Variants in EGFLAM observed in about 807,000 individuals in gnomAD.
The protein encoded by EGFLAM is EGF like, fibronectin type III and laminin G domains.
EGFLAM carries 79 observed loss-of-function variants against 113.1 expected under a neutral mutation model. That is an observed-to-expected ratio of 0.70 (90% confidence interval 0.58 to 0.84). EGFLAM has a LOEUF of 0.84. Ranked by LOEUF, EGFLAM falls within the 40% of genes least tolerant of loss-of-function variation. EGFLAM has a pLI of 0.00. For missense variants in EGFLAM, 1,265 were observed against 1,291.6 expected (o/e 0.98, Z 0.32); for synonymous variants, 504 against 487.6 (o/e 1.03, Z -0.44).
At chr5:38,295,177 C>A (rs2111806804) in intron 1 of EGFLAM, among the ~76,000 whole-genome samples, 1 of 151,040 alleles carries the variant, frequency 6.6e-6, no homozygotes. Context: ...TAATAACATG[C>A]TTGTAATGAA....
chr5:38,334,241 T>C (rs1202867480), intron 1 of EGFLAM, among the ~76,000 whole-genome samples: 1 of 152,174 alleles, frequency 6.6e-6, no homozygotes, highest in East Asian at 1.9e-4. Context: ...TTTTAAGAGT[T>C]CTTTGTTATC....
rs1246058059 is a variant in EGFLAM, at chr5:38,258,572, G to T, written c.-183G>T. 1.5e-5 allele frequency: 9 copies of T among 614,840 alleles called. No individual in the cohort carries two copies. The highest frequency in any genetic ancestry group is 2.0e-5 in the African/African-American group (1 of 50,586). The allele number at this position is 614,840 out of a possible 1,614,324, so 38.1% of individuals were successfully genotyped here. A position where few individuals can be genotyped will look rare whatever the true frequency, so the allele number is the denominator to read the frequency against. On this transcript the variant is annotated 5_prime_UTR_variant, in exon 1 of 22. Coordinates refer to ENST00000322350, the MANE Select transcript of EGFLAM (RefSeq NM_152403.4). ...GCAGCCGGCTTCACTCGCGCACGCC[G>T]ACCTCCCGGCTGCAGTCCTACCTCT...
intron 1 of EGFLAM, among the ~76,000 whole-genome samples, chr5:38,300,287 G>A (rs1758544046): frequency 6.6e-6 from 1 of 152,156 alleles, no homozygotes; most frequent in African/African-American, 2.4e-5. Flanking sequence ...TTTACACTGA[G>A]TCAAATGAGG....
At chr5:38,452,031 C>A (rs1226922739) in intron 19 of EGFLAM, among the ~76,000 whole-genome samples, 1 of 137,618 alleles carries the variant, frequency 7.3e-6, no homozygotes. Flanking sequence ...AGTATTCCAA[C>A]AGGACTTTTT....
chr5:38,328,867 T>C (rs1455598770), intron 1 of EGFLAM, among the ~76,000 whole-genome samples: 1 of 151,944 alleles, frequency 6.6e-6, no homozygotes, highest in Non-Finnish European at 1.5e-5. Flanking sequence ...CCTCCATCTG[T>C]TGTTTGAATT....
intron 3 of EGFLAM, among the ~76,000 whole-genome samples, 193 bp downstream of exon 3, chr5:38,338,974 T>A (rs1739264616): frequency 6.6e-6 from 1 of 152,224 alleles, no homozygotes; most frequent in African/African-American, 2.4e-5. Flanking sequence ...AAAACAGGCA[T>A]CTGACGAAAG....
intron 17 of EGFLAM, chr5:38,445,639 G>T: frequency 6.3e-7 from 1 of 1,598,482 alleles, no homozygotes; most frequent in African/African-American, 1.3e-5. Context: ...ACTGTGAAAG[G>T]CTGACTCTCC....
chr5:38,265,965 G>A (rs1345769223), intron 1 of EGFLAM, among the ~76,000 whole-genome samples: 1 of 152,186 alleles, frequency 6.6e-6, no homozygotes, highest in African/African-American at 2.4e-5. Context: ...GTGTTATGCT[G>A]ATCTTCACTG....
At chr5:38,388,430 G>A (rs1465919935) in intron 6 of EGFLAM, among the ~76,000 whole-genome samples, 1 of 152,016 alleles carries the variant, frequency 6.6e-6, no homozygotes, top group Non-Finnish European at 1.5e-5. Context: ...GACCAGCCTG[G>A]GCAATGTGGT....
rs6875081 is a variant in EGFLAM at position 38,445,451 on chromosome 5, G to A, written c.2465-2850G>A. The stretch of plus-strand genomic sequence containing the variant: ...GCCCACCTTCAATAAGCCGAGAAGA[G>A]GTGAGGAGGCGGGTGGCTGGGTGCC... On this transcript the variant is annotated intron_variant, in intron 17 of 21. Transcript: ENST00000322350. 8,799 of 1,403,932 alleles carry A rather than the reference G, an allele frequency of 6.3e-3. 405 individuals are homozygous for A. In the African/African-American group the frequency reaches 0.11, roughly 17 times the overall value. The allele number at this position is 1,403,932 out of a possible 1,614,324, so 87.0% of individuals were successfully genotyped here. A position where few individuals can be genotyped will look rare whatever the true frequency, so the allele number is the denominator to read the frequency against.
At chr5:38,451,199 G>C (rs1473528190) in intron 18 of EGFLAM, 116 bp from the exon 19 acceptor site, 11 of 1,406,544 alleles carry the variant, frequency 7.8e-6, no homozygotes, top group South Asian at 6.6e-5. Context: ...GTAAGTGTCA[G>C]AAAGTGCCAG....
intron 1 of EGFLAM, among the ~76,000 whole-genome samples, chr5:38,303,676 T>C (rs1758651961): frequency 6.6e-6 from 1 of 152,224 alleles, no homozygotes; most frequent in African/African-American, 2.4e-5. Context: ...TCTGCTCAAA[T>C]GTTGAAGGCA....
chr5:38,453,955 C>T (rs906987928), intron 19 of EGFLAM, among the ~76,000 whole-genome samples: 2 of 152,210 alleles, frequency 1.3e-5, no homozygotes, highest in African/African-American at 4.8e-5. Flanking sequence ...CCTGAACATA[C>T]TTCTTGTTAC....
At chr5:38,431,089 C>A (rs963151987) in intron 14 of EGFLAM, 88 bp from the exon 15 acceptor site, 1 of 1,162,774 alleles carries the variant, frequency 8.6e-7, no homozygotes, top group Non-Finnish European at 1.2e-6. Context: ...ACAGACACAC[C>A]CAGAAATAAT....
At chr5:38,399,123 T>C (rs1331154493) in intron 6 of EGFLAM, among the ~76,000 whole-genome samples, 1 of 152,172 alleles carries the variant, frequency 6.6e-6, no homozygotes, top group African/African-American at 2.4e-5. Flanking sequence ...GAGAGCCCAC[T>C]TGAGGGAAAG....
intron 17 of EGFLAM, among the ~76,000 whole-genome samples, chr5:38,441,142 G>A (rs556824217): frequency 7.2e-4 from 109 of 152,288 alleles, no homozygotes; most frequent in African/African-American, 2.5e-3. Flanking sequence ...CATCTGAGAT[G>A]CTCTTGGGAT....
chr5:38,343,735 C>T (rs1175588730), intron 3 of EGFLAM, among the ~76,000 whole-genome samples: 1 of 152,238 alleles, frequency 6.6e-6, no homozygotes, highest in African/African-American at 2.4e-5. Context: ...GTGCCTTCCA[C>T]TGGACAATGC....
chr5:38,406,937 C>A lies in EGFLAM; in HGVS notation c.938C>A (p.Ser313Ter), dbSNP rs755066845. Residue 313 changes from serine to a stop codon, truncating the protein, a stop_gained, in exon 8 of 22, where the codon TCA becomes TAA. Transcript: ENST00000322350. LOFTEE classifies it high-confidence loss of function. ...ATTTCTAGGCTCATCCCCCCTACCT[C>A]AGCATCTCTCCCTGTGACCACGGTG... is the stretch of plus-strand genomic sequence containing the variant. Reference protein sequence around the residue: ...KTISRLIPPTSASLPVTTVAP... With the variant: ...KTISRLIPPT 6.2e-7 allele frequency: 1 copy of A among 1,614,234 alleles called. No homozygotes were observed. Among genetic ancestry groups the A allele is most frequent in the South Asian group, 1.1e-5 (1 of 91,086 alleles).
At chr5:38,415,924 G>T (rs1741626856) in intron 11 of EGFLAM, among the ~76,000 whole-genome samples, 1 of 151,950 alleles carries the variant, frequency 6.6e-6, no homozygotes, top group Non-Finnish European at 1.5e-5. Flanking sequence ...ACTACCACGA[G>T]AACAGCATGG....
Sources: allele counts gnomAD v4.1 joint callset (sites outside exome capture counted in the v4.1 genomes callset), GRCh38; gene constraint gnomAD v4.1.1; transcripts MANE v1.5; gene names NCBI Gene and HGNC (gene_info 2026-07-23, HGNC 2026-07-21).